SEL1L: variants seen among roughly 807,000 people sequenced by gnomAD.
The protein encoded by SEL1L is protein sel-1 homolog 1.
SEL1L carries 52 observed loss-of-function variants against 109.8 expected under a neutral mutation model. The observed-to-expected ratio is 0.47, with a 90% CI of 0.38 to 0.60. The LOEUF (loss-of-function observed/expected upper bound fraction) is 0.60, where lower values mean the gene tolerates loss of function less well. SEL1L is among the 20% of genes least tolerant of loss of function. The pLI, the probability that SEL1L is intolerant of heterozygous loss-of-function variation, is 0.00. For synonymous variants in SEL1L, 373 were observed against 339.6 expected, an observed-to-expected ratio of 1.10 and a Z score of -1.08; for missense variants, 749 against 962.2, an observed-to-expected ratio of 0.78 and a Z score of 2.93.
intron 3 of SEL1L, among the ~76,000 whole-genome samples, chr14:81,514,791 GACCCATAA>G (rs1351339835): frequency 6.6e-6 from 1 of 152,062 alleles, no homozygotes; most frequent in Non-Finnish European, 1.5e-5. Flanking sequence ...GGACCAATTT[GACCCATAA>G]ACCCTGAAAA....
At chr14:81,491,757 T>A (rs995321196) in intron 12 of SEL1L, among the ~76,000 whole-genome samples, 2 of 152,232 alleles carry the variant, frequency 1.3e-5, no homozygotes, top group African/African-American at 4.8e-5. Context: ...GACTTAAATG[T>A]TCTGTTCCCT....
In SEL1L at chr14:81,503,423, T is replaced by C. The variant is rs142853169; in HGVS notation, c.615-540A>G. Among the ~76,000 whole-genome samples, 630 of 152,172 alleles carry C rather than the reference T, an allele frequency of 4.1e-3. 4 individuals are homozygous for C. Among genetic ancestry groups the C allele is most frequent in the African/African-American group, 0.015 (602 of 41,516 alleles). The stretch of plus-strand genomic sequence containing the variant: ...TGTGATCACAGCTCACTGCAGCCTC[T>C]CTACCTTCCAAGTTCAAGTGATCCT... On this transcript the variant is annotated intron_variant, in intron 5 of 20. Transcript: ENST00000336735.
Position 81,489,267 on chromosome 14 carries a change from C to T in SEL1L, c.1380G>A (p.Gly460=), listed in dbSNP as rs1423030198. The T allele has an allele frequency of 1.9e-6, 3 of 1,614,074 alleles. No homozygotes were observed. In the East Asian group the frequency reaches 6.7e-5, roughly 36 times the overall value. The part of the protein sequence containing the change: ...QSGLGMAYLY[G]RGVQVNYDLA... ...GAACACTTACAACTTGAACTCCTCT[C>T]CCATAGAGGTAGGCCATTCCAAGCC... The change falls in exon 14 of 21, where the codon GGG becomes GGA. Residue 460 remains glycine (G), a synonymous_variant. Coordinates refer to ENST00000336735, the MANE Select transcript of SEL1L (RefSeq NM_005065.6).
chr14:81,479,875 G>T, intron 19 of SEL1L, 135 bp from the exon 20 acceptor site: 1 of 794,824 alleles, frequency 1.3e-6, no homozygotes, highest in Non-Finnish European at 1.9e-6. Context: ...AAACAAAAAT[G>T]CCAAGCTTTA....
In SEL1L at chr14:81,504,315, A is replaced by G. The variant is rs1169326703; in HGVS notation, c.509-9T>C. On this transcript the variant is annotated splice_polypyrimidine_tract_variant and intron_variant, in intron 4 of 20. Coordinates refer to ENST00000336735, the MANE Select transcript of SEL1L (RefSeq NM_005065.6). Reference sequence around the variant, plus strand: ...AGCAGCCTCTTCTTCAGCTAAAAACAAAACGTCAGATGCATTTAAATGGAT... The same window carrying G: ...AGCAGCCTCTTCTTCAGCTAAAAACGAAACGTCAGATGCATTTAAATGGAT... The G allele has an allele frequency of 1.9e-6, 3 of 1,568,610 alleles. No individual in the cohort carries two copies. Among genetic ancestry groups the G allele is most frequent in the African/African-American group, 2.7e-5 (2 of 73,222 alleles).
chr14:81,511,954 C>T (rs989810553), intron 3 of SEL1L, among the ~76,000 whole-genome samples: 5 of 152,156 alleles, frequency 3.3e-5, no homozygotes, highest in African/African-American at 1.2e-4. Flanking sequence ...TTATTTCTGT[C>T]AAGAGGTAAT....
rs758827967 is a variant in SEL1L at position 81,527,700 on chromosome 14, C to A, written c.108+1G>T. ...TGGCCAATACACATTTTAGTACATA[C>A]CTTGGAATCTAAGGATTCATCCTGG... On this transcript the variant is annotated splice_donor_variant, in intron 2 of 20. Coordinates refer to ENST00000336735, the MANE Select transcript of SEL1L (RefSeq NM_005065.6). LOFTEE classifies it high-confidence loss of function. 1 of 1,600,374 alleles carries A rather than the reference C, an allele frequency of 6.2e-7. No homozygotes were observed. Among genetic ancestry groups the A allele is most frequent in the African/African-American group, 1.3e-5 (1 of 74,380 alleles).
At chr14:81,477,302 A>T in intron 20 of SEL1L, 121 bp from the exon 21 acceptor site, 18 of 403,964 alleles carry the variant, frequency 4.5e-5, no homozygotes, top group Non-Finnish European at 5.7e-5. Context: ...AACGTTTTGC[A>T]ATGTGTGTGT....
At chr14:81,496,316 C>T (rs149548269) in intron 10 of SEL1L, among the ~76,000 whole-genome samples, 4,951 of 147,884 alleles carry the variant, frequency 0.033, 282 homozygotes, top group African/African-American at 0.12. Context: ...AGCGAGACTC[C>T]GTCTCAAAAA....
chr14:81,493,525 TAAA>T (rs1883628021), intron 11 of SEL1L, among the ~76,000 whole-genome samples: 3 of 145,778 alleles, frequency 2.1e-5, no homozygotes, highest in African/African-American at 7.7e-5. Flanking sequence ...AATAAATAAA[TAAA>T]TAAAATAAAT....
rs1288242986 is a variant in SEL1L, at chr14:81,476,987, C to T, written c.2370G>A (p.Gln790=). 1 of 1,614,206 alleles carries T rather than the reference C, an allele frequency of 6.2e-7. No individual in the cohort carries two copies. The highest frequency in any genetic ancestry group is 8.5e-7 in the Non-Finnish European group (1 of 1,180,034). ...CCAGTGCCTATTACTGTGGTGGCTG[C>T]TGCTCTGGTGGCCCCTCCTGCTGGG... ...APPQQEGPPE[Q]QPPQ The change falls in exon 21 of 21, where the codon CAG becomes CAA. Residue 790 remains glutamine, a synonymous_variant. Transcript: ENST00000336735.
At chr14:81,522,150 A>T (rs1038781332) in intron 3 of SEL1L, among the ~76,000 whole-genome samples, 1 of 152,220 alleles carries the variant, frequency 6.6e-6, no homozygotes, top group Non-Finnish European at 1.5e-5. Flanking sequence ...AAAAGCTAAA[A>T]CATAAAAGTT....
chr14:81,526,867 T>A lies in SEL1L; in HGVS notation c.206A>T (p.Glu69Val). Residue 69 changes from glutamate to valine, a missense_variant, in exon 3 of 21, where the codon GAA becomes GTA. By Grantham distance (121) the Glu-to-Val change is moderately radical. Coordinates refer to ENST00000336735, the MANE Select transcript of SEL1L (RefSeq NM_005065.6). ...IFLDSEESELESSIQEEEDSL... is the reference protein window; with the variant it reads ...IFLDSEESELVSSIQEEEDSL... ...GTCTTCCTCTTCTTGAATAGAGGAT[T>A]CTAATTCAGATTCTTCTGAATCAAG... The A allele has an allele frequency of 6.2e-7, 1 of 1,600,682 alleles. No individual in the cohort carries two copies. Among genetic ancestry groups the A allele is most frequent in the Non-Finnish European group, 8.5e-7 (1 of 1,175,088 alleles).
intron 3 of SEL1L, among the ~76,000 whole-genome samples, chr14:81,515,413 C>T (rs1162301921): frequency 6.6e-6 from 1 of 152,160 alleles, no homozygotes; most frequent in Non-Finnish European, 1.5e-5. Flanking sequence ...TTAGCTGCAG[C>T]CTGAGAGTTT....
At chr14:81,532,700 T>C (rs568467786) in intron 1 of SEL1L, among the ~76,000 whole-genome samples, 7 of 152,198 alleles carry the variant, frequency 4.6e-5, no homozygotes, top group South Asian at 4.1e-4. Flanking sequence ...CAGATAACCA[T>C]CTGGGAAATT....
chr14:81,472,741 T>C lies in SEL1L; in HGVS notation c.*4231A>G, dbSNP rs1036580824. The stretch of plus-strand genomic sequence containing the variant: ...AATTCATGTTCTCCCTAGGGCAATA[T>C]TGGACTTGTAAAAATCTGAATTTCA... On this transcript the variant is annotated 3_prime_UTR_variant, in exon 21 of 21. Transcript: ENST00000336735. The C allele has an allele frequency of 1.9e-4, 32 of 170,894 alleles. No individual in the cohort carries two copies. Among genetic ancestry groups the C allele is most frequent in the African/African-American group, 7.0e-4 (29 of 41,694 alleles). The allele number at this position is 170,894 out of a possible 1,614,324, so 10.6% of individuals were successfully genotyped here.
At chr14:81,524,642 T>G (rs1274123143) in intron 3 of SEL1L, among the ~76,000 whole-genome samples, 1 of 151,910 alleles carries the variant, frequency 6.6e-6, no homozygotes, top group Non-Finnish European at 1.5e-5. Context: ...GAGGCCAAGG[T>G]GGGCAGATCA....
chr14:81,495,223 T>C (rs965115285), intron 10 of SEL1L, 86 bp from the exon 11 acceptor site: 11 of 1,200,960 alleles, frequency 9.2e-6, no homozygotes, highest in Non-Finnish European at 1.3e-5. Flanking sequence ...GATTTGGTCG[T>C]AAAATGGCTT....
At chr14:81,522,661 T>G (rs922740770) in intron 3 of SEL1L, among the ~76,000 whole-genome samples, 1 of 152,222 alleles carries the variant, frequency 6.6e-6, no homozygotes, top group Non-Finnish European at 1.5e-5. Context: ...CATTGTTAAG[T>G]GACACATGAC....
Sources: allele counts gnomAD v4.1 joint callset (sites outside exome capture counted in the v4.1 genomes callset), GRCh38; gene constraint gnomAD v4.1.1; transcripts MANE v1.5; gene names NCBI Gene and HGNC (gene_info 2026-07-23, HGNC 2026-07-21).